The following SLC6A19 variants were observed in gnomAD, a reference collection of about 807,000 sequenced individuals.
SLC6A19 encodes solute carrier family 6 member 19.
SLC6A19 carries 67 observed loss-of-function variants against 68.3 expected under a neutral mutation model. That is an observed-to-expected ratio of 0.98 (90% CI 0.81 to 1.20). SLC6A19 has a LOEUF of 1.20. Ranked by LOEUF, SLC6A19 falls within the 50% of genes most tolerant of loss-of-function variation. SLC6A19 has a pLI of 0.00. For synonymous variants in SLC6A19, 392 were observed against 374.9 expected, an observed-to-expected ratio of 1.05 and a Z score of -0.53; for missense variants, 813 against 851.6, an observed-to-expected ratio of 0.95 and a Z score of 0.56.
chr5:1,212,980 C>A lies in SLC6A19; in HGVS notation c.664-483C>A, dbSNP rs1312812835. ...GCCCCCCACCACAAGCACGGCCCCC[C>A]TCCGCACCATCCCAAATACCCAGGC... is the stretch of plus-strand genomic sequence containing the variant. On this transcript the variant is annotated intron_variant, in intron 4 of 11. Coordinates refer to ENST00000304460, the MANE Select transcript of SLC6A19 (RefSeq NM_001003841.3). This position sits in a 1 kb window ranked among gnomAD's most constrained non-coding sequence, Gnocchi z 5.1. 2.7e-5 allele frequency among the ~76,000 whole-genome samples: 4 copies of A among 148,088 alleles called. No homozygotes were observed. Among genetic ancestry groups the A allele is most frequent in the Middle Eastern group, 3.3e-3 (1 of 306 alleles).
chr5:1,208,822 G>A lies in SLC6A19; in HGVS notation c.279G>A (p.Gly93=), dbSNP rs1303138649. Residue 93 remains glycine (G), a synonymous_variant, in exon 2 of 12, where the codon GGG becomes GGA. Transcript: ENST00000304460. Reference sequence around the variant, plus strand: ...TGCTGTACCTGGAGTTCGCCATCGGGCAGCGGCTGCGGCGGGGCAGCCTGG... The same window carrying A: ...TGCTGTACCTGGAGTTCGCCATCGGACAGCGGCTGCGGCGGGGCAGCCTGG... ...IPLLYLEFAI[G]QRLRRGSLGV... is the part of the protein sequence containing the mutation. The A allele has an allele frequency of 6.2e-7, 1 of 1,613,296 alleles. No homozygotes were observed. The highest frequency in any genetic ancestry group is 1.7e-5 in the Admixed American group (1 of 60,034).
Position 1,219,514 on chromosome 5 carries a change from G to T in SLC6A19, c.1388G>T (p.Cys463Phe). The part of the protein sequence containing the change: ...WPKEVLTGLI[C>F]LGTFLIGFIF... ...GTCCCCCGGCCTGCAGGCCTCATCT[G>T]CCTGGGGACATTCCTCATTGGCTTC... Residue 463 changes from cysteine to phenylalanine, a missense_variant, in exon 10 of 12, where the codon TGC (cysteine) becomes TTC (phenylalanine). Physicochemically the swap from Cys to Phe is radical, Grantham distance 205 (BLOSUM62 -2). Transcript: ENST00000304460. The T allele has an allele frequency of 6.2e-7, 1 of 1,611,650 alleles. No individual in the cohort carries two copies. Among genetic ancestry groups the T allele is most frequent in the Non-Finnish European group, 8.5e-7 (1 of 1,180,006 alleles).
chr5:1,210,607 C>T (rs200830275), intron 3 of SLC6A19, 26 bp downstream of exon 3: 561 of 1,610,782 alleles, frequency 3.5e-4, no homozygotes, highest in Non-Finnish European at 4.5e-4. Flanking sequence ...CAGCCCCATC[C>T]GTCTCACCTG....
intron 3 of SLC6A19, among the ~76,000 whole-genome samples, chr5:1,211,040 G>A (rs979716876): frequency 1.3e-5 from 2 of 152,192 alleles, no homozygotes; most frequent in Non-Finnish European, 2.9e-5. Flanking sequence ...GGAGCGTAGG[G>A]GGCAGACCCT....
chr5:1,218,346 G>A (rs543103171), intron 8 of SLC6A19, among the ~76,000 whole-genome samples: 60 of 152,286 alleles, frequency 3.9e-4, no homozygotes, highest in African/African-American at 1.4e-3. Flanking sequence ...GTTTTTCTCC[G>A]GAGATTCCAC....
chr5:1,210,080 A>T (rs947748158), intron 2 of SLC6A19, among the ~76,000 whole-genome samples: 8 of 152,248 alleles, frequency 5.3e-5, no homozygotes, highest in African/African-American at 1.9e-4. Context: ...CAACCAGGCT[A>T]CTGGTACATC....
chr5:1,211,987 C>T (rs907940276), intron 3 of SLC6A19, among the ~76,000 whole-genome samples: 7 of 140,034 alleles, frequency 5.0e-5, no homozygotes, highest in Admixed American at 5.0e-4. Context: ...GTTGTGTGTC[C>T]GTGCATGTGC....
chr5:1,209,208 C>T lies in SLC6A19; in HGVS notation c.343+322C>T, dbSNP rs1283928963. On this transcript the variant is annotated intron_variant, in intron 2 of 11. Coordinates refer to ENST00000304460, the MANE Select transcript of SLC6A19 (RefSeq NM_001003841.3). The surrounding 1 kb of genome is among the most constrained non-coding windows in gnomAD (Gnocchi z 5.5). ...GCGGCGCTCAGCGAGAGCCCAGGGC[C>T]CAGGAGGGGGCACCAGCCTCCTGTG... Among the ~76,000 whole-genome samples the T allele has an allele frequency of 6.6e-6, 1 of 152,086 alleles. No homozygotes were observed. The highest frequency in any genetic ancestry group is 2.4e-5 in the African/African-American group (1 of 41,414).
At chr5:1,203,109 G>T (rs980645362) in intron 1 of SLC6A19, among the ~76,000 whole-genome samples, 1 of 132,456 alleles carries the variant, frequency 7.5e-6, no homozygotes, top group African/African-American at 2.9e-5. Flanking sequence ...TAGCTTGGAG[G>T]AGAAACTGAG....
chr5:1,214,194 T>G lies in SLC6A19; in HGVS notation c.887+129T>G. The G allele has an allele frequency of 6.6e-7, 1 of 1,504,182 alleles. No homozygotes were observed. The allele number at this position is 1,504,182 out of a possible 1,614,324, so 93.2% of individuals were successfully genotyped here. A position where few individuals can be genotyped will look rare whatever the true frequency, so the allele number is the denominator to read the frequency against. Reference sequence around the variant, plus strand: ...GGGCCTTGCTGCCCCGATGGGCCCGTTCCCTCCTGCTCGGGGTCCATGTGA... The same window carrying G: ...GGGCCTTGCTGCCCCGATGGGCCCGGTCCCTCCTGCTCGGGGTCCATGTGA... On this transcript the variant is annotated intron_variant, in intron 6 of 11. Transcript: ENST00000304460. The surrounding 1 kb of genome is among the most constrained non-coding windows in gnomAD (Gnocchi z 7.4).
chr5:1,203,658 A>G (rs553331576), intron 1 of SLC6A19, among the ~76,000 whole-genome samples: 3 of 152,344 alleles, frequency 2.0e-5, no homozygotes, highest in Non-Finnish European at 4.4e-5. Context: ...AGATGGCTCC[A>G]CAGGGTTCTG....
At chr5:1,211,655 CAT>C (rs1262235376) in intron 3 of SLC6A19, among the ~76,000 whole-genome samples, 1 of 151,664 alleles carries the variant, frequency 6.6e-6, no homozygotes, top group African/African-American at 2.4e-5. Flanking sequence ...TGTGTGCATG[CAT>C]GTGTGTGCAC....
chr5:1,208,973 G>T, intron 2 of SLC6A19, 87 bp downstream of exon 2: 5 of 1,493,478 alleles, frequency 3.3e-6, no homozygotes, highest in Non-Finnish European at 4.5e-6. Flanking sequence ...TCGCCTTGCC[G>T]GCCTCGGTGC....
chr5:1,218,859 C>A, intron 8 of SLC6A19, 44 bp from the exon 9 acceptor site: 1 of 1,597,708 alleles, frequency 6.3e-7, no homozygotes, highest in Non-Finnish European at 8.5e-7. Context: ...GAGACGGAGC[C>A]CACGGAGGGC....
intron 1 of SLC6A19, among the ~76,000 whole-genome samples, chr5:1,203,575 G>A (rs550098897): frequency 2.0e-5 from 3 of 152,312 alleles, no homozygotes; most frequent in South Asian, 2.1e-4. Context: ...CTGGCCCTTC[G>A]GCTGGGCCAC....
intron 9 of SLC6A19, 122 bp from the exon 10 acceptor site, chr5:1,219,383 C>T: frequency 7.0e-7 from 1 of 1,418,794 alleles, no homozygotes; most frequent in Non-Finnish European, 9.6e-7. Context: ...TGTGCAGCCC[C>T]CGGGTGTGTG....
Position 1,215,315 on chromosome 5 carries a change from A to G in SLC6A19, c.888-1243A>G, listed in dbSNP as rs948934533. On this transcript the variant is annotated intron_variant, in intron 6 of 11. Transcript: ENST00000304460. This position sits in a 1 kb window ranked among gnomAD's most constrained non-coding sequence, Gnocchi z 5.1. ...TGCCCAGTTCAATGGTCTTAAGTAC[A>G]TTCACAGAGTTGTGAAGCCAGCCAT... Among the ~76,000 whole-genome samples the G allele has an allele frequency of 6.6e-6, 1 of 152,206 alleles. No individual in the cohort carries two copies. Among genetic ancestry groups the G allele is most frequent in the African/African-American group, 2.4e-5 (1 of 41,444 alleles).
intron 10 of SLC6A19, among the ~76,000 whole-genome samples, chr5:1,220,439 G>C (rs966760525): frequency 1.3e-5 from 2 of 149,412 alleles, no homozygotes; most frequent in Non-Finnish European, 3.0e-5. Flanking sequence ...AGGAAGAAAA[G>C]AAATAATTGG....
Position 1,214,167 on chromosome 5 carries a change from C to T in SLC6A19, c.887+102C>T, listed in dbSNP as rs575353125. ...GGAAAGCACTCTGTGGCTGTGTGGC[C>T]GGGGCCTTGCTGCCCCGATGGGCCC... On this transcript the variant is annotated intron_variant, in intron 6 of 11. Coordinates refer to ENST00000304460, the MANE Select transcript of SLC6A19 (RefSeq NM_001003841.3). The surrounding 1 kb of genome is among the most constrained non-coding windows in gnomAD (Gnocchi z 7.4). 1.7e-4 allele frequency: 261 copies of T among 1,568,588 alleles called. No homozygotes were observed. Among genetic ancestry groups the T allele is most frequent in the South Asian group, 1.1e-3 (94 of 86,484 alleles).
Sources: allele counts gnomAD v4.1 joint callset (sites outside exome capture counted in the v4.1 genomes callset), GRCh38; gene constraint gnomAD v4.1.1; non-coding constraint Gnocchi (gnomAD v3.1); transcripts MANE v1.5; gene names NCBI Gene and HGNC (gene_info 2026-07-23, HGNC 2026-07-21).